The following FSIP1 variants were observed in gnomAD, a reference collection of about 807,000 sequenced individuals.
FSIP1 encodes the protein fibrous sheath interacting protein 1.
In FSIP1, 65 loss-of-function variants were observed where a neutral mutation model predicts 60.9. The observed-to-expected ratio is 1.07, with a 90% CI of 0.87 to 1.31. The LOEUF is 1.31. Ranked by LOEUF, FSIP1 falls within the 40% of genes most tolerant of loss-of-function variation. The probability of loss-of-function intolerance (pLI) is 0.00; values close to 1 mark genes in which losing one functional copy is unlikely to be tolerated. For synonymous variants in FSIP1, 209 were observed against 221.2 expected (o/e 0.94, Z 0.49); for missense variants, 675 against 665.5 (o/e 1.01, Z -0.16).
intron 5 of FSIP1, among the ~76,000 whole-genome samples, chr15:39,754,046 G>A (rs540599670): frequency 9.9e-5 from 15 of 152,146 alleles, no homozygotes; most frequent in South Asian, 6.2e-4. Context: ...ATGCAGTAAC[G>A]TCTAGTAATC....
chr15:39,612,487 C>A (rs1891072033), intron 11 of FSIP1, among the ~76,000 whole-genome samples: 1 of 152,026 alleles, frequency 6.6e-6, no homozygotes, highest in Non-Finnish European at 1.5e-5. Context: ...TAATGGGATG[C>A]TGACAAAAGC....
At position 39,776,443 on chromosome 15, in the gene FSIP1, T is replaced by G; in HGVS notation, c.82A>C (p.Asn28His). Residue 28 changes from asparagine (N) to histidine (H), a missense_variant, in exon 2 of 12, where the codon AAT becomes CAT. Transcript: ENST00000350221. ...GTTGAGAGCACCTCCAAAGAAGCAT[T>G]TGAACTTCTGCTCCCAGGGCGTATT... is the stretch of plus-strand genomic sequence containing the variant. Reference protein sequence around the residue: ...SRIRPGSRSSNASLEVLSTEP... With the variant: ...SRIRPGSRSSHASLEVLSTEP... 6.2e-7 allele frequency: 1 copy of G among 1,613,954 alleles called. No individual in the cohort carries two copies. The highest frequency in any genetic ancestry group is 8.5e-7 in the Non-Finnish European group (1 of 1,179,850).
At chr15:39,703,076 G>A (rs61620785) in intron 10 of FSIP1, among the ~76,000 whole-genome samples, 10,203 of 151,290 alleles carry the variant, frequency 0.067, 766 homozygotes, top group Admixed American at 0.21. Flanking sequence ...TCCCCCTCCC[G>A]GGTTCAAGCA....
At chr15:39,674,920 G>A (rs1264416934) in intron 10 of FSIP1, among the ~76,000 whole-genome samples, 1 of 151,960 alleles carries the variant, frequency 6.6e-6, no homozygotes, top group Non-Finnish European at 1.5e-5. Context: ...AACTGGGAGA[G>A]GATAGCTCCC....
At chr15:39,755,280 G>A (rs778340483) in intron 5 of FSIP1, among the ~76,000 whole-genome samples, 1 of 152,032 alleles carries the variant, frequency 6.6e-6, no homozygotes, top group Admixed American at 6.6e-5. Context: ...TACTGATTTT[G>A]GCCTCAGAGA....
At chr15:39,611,697 C>T (rs1180548759) in intron 11 of FSIP1, among the ~76,000 whole-genome samples, 2 of 152,086 alleles carry the variant, frequency 1.3e-5, no homozygotes, top group Non-Finnish European at 2.9e-5. Flanking sequence ...ATTAAAGTCG[C>T]TAGTCAAAAC....
chr15:39,654,414 T>C (rs1269229261), intron 10 of FSIP1, among the ~76,000 whole-genome samples: 1 of 152,200 alleles, frequency 6.6e-6, no homozygotes, highest in Non-Finnish European at 1.5e-5. Flanking sequence ...TCATCTCCAT[T>C]ATAATCTTAT....
chr15:39,740,525 C>A (rs150739635), intron 6 of FSIP1, among the ~76,000 whole-genome samples: 1 of 152,088 alleles, frequency 6.6e-6, no homozygotes, highest in East Asian at 1.9e-4. Flanking sequence ...AAAATATGCA[C>A]GAAGAAGGAA....
chr15:39,732,619 CAAAAAA>C (rs56106819), intron 8 of FSIP1, among the ~76,000 whole-genome samples: 11 of 80,130 alleles, frequency 1.4e-4, no homozygotes, highest in African/African-American at 3.9e-4. Flanking sequence ...AACTCCATCT[CAAAAAA>C]AAAAAAAAAA....
intron 10 of FSIP1, among the ~76,000 whole-genome samples, chr15:39,704,840 A>G (rs913079015): frequency 2.0e-5 from 3 of 152,230 alleles, no homozygotes; most frequent in Non-Finnish European, 2.9e-5. Context: ...AAATGAGAGG[A>G]TTTATCATCC....
At chr15:39,753,843 A>C (rs1315687653) in intron 5 of FSIP1, among the ~76,000 whole-genome samples, 1 of 152,044 alleles carries the variant, frequency 6.6e-6, no homozygotes, top group African/African-American at 2.4e-5. Flanking sequence ...CAAATTATAA[A>C]TGTCTAAAAA....
chr15:39,614,700 GGTT>G (rs570539575), intron 11 of FSIP1, among the ~76,000 whole-genome samples: 182 of 150,326 alleles, frequency 1.2e-3, no homozygotes, highest in African/African-American at 4.1e-3. Flanking sequence ...AAGAATTAAT[GGTT>G]AAAATGTTCA....
At chr15:39,690,329 G>A (rs984850590) in intron 10 of FSIP1, among the ~76,000 whole-genome samples, 5 of 152,216 alleles carry the variant, frequency 3.3e-5, no homozygotes, top group African/African-American at 1.2e-4. Context: ...ATGGACTGAG[G>A]AGACTAGTTG....
At chr15:39,690,272 A>G (rs952211390) in intron 10 of FSIP1, among the ~76,000 whole-genome samples, 4 of 152,166 alleles carry the variant, frequency 2.6e-5, no homozygotes, top group African/African-American at 9.7e-5. Context: ...GGGGAGTGAC[A>G]TATCATATTT....
intron 5 of FSIP1, among the ~76,000 whole-genome samples, chr15:39,760,049 T>C (rs1897440409): frequency 6.6e-6 from 1 of 152,166 alleles, no homozygotes; most frequent in African/African-American, 2.4e-5. Flanking sequence ...TGACTAAGGA[T>C]GTCACTGCAA....
intron 5 of FSIP1, among the ~76,000 whole-genome samples, chr15:39,750,239 C>T (rs1444597921): frequency 2.0e-5 from 3 of 151,802 alleles, no homozygotes; most frequent in Non-Finnish European, 4.4e-5. Context: ...CCACACTACC[C>T]AAAGCAACCA....
intron 10 of FSIP1, among the ~76,000 whole-genome samples, chr15:39,706,192 T>C (rs963822740): frequency 7.9e-5 from 12 of 152,130 alleles, no homozygotes; most frequent in Non-Finnish European, 1.8e-4. Context: ...CATTATTACT[T>C]TGAAAATATT....
chr15:39,651,185 C>A (rs1373949765), intron 10 of FSIP1, among the ~76,000 whole-genome samples: 1 of 152,170 alleles, frequency 6.6e-6, no homozygotes, highest in Non-Finnish European at 1.5e-5. Context: ...AACCAACCAA[C>A]CAATTTGTTT....
At chr15:39,744,278 C>T (rs1207587499) in intron 5 of FSIP1, among the ~76,000 whole-genome samples, 1 of 151,930 alleles carries the variant, frequency 6.6e-6, no homozygotes, top group Non-Finnish European at 1.5e-5. Flanking sequence ...TACAAACATT[C>T]ATGTGAGAAG....
Sources: gnomAD v4.1 joint callset for allele counts (sites outside exome capture counted in the v4.1 genomes callset) on GRCh38, gnomAD v4.1.1 for gene constraint, MANE v1.5 for transcripts, NCBI Gene and HGNC (gene_info 2026-07-23, HGNC 2026-07-21) for gene names.